SIGLEC10: variants seen among roughly 807,000 people sequenced by gnomAD.
SIGLEC10 encodes the protein sialic acid-binding Ig-like lectin 10.
A neutral mutation model predicts 68.3 loss-of-function variants in SIGLEC10; 45 were observed. The ratio of observed to expected loss-of-function variants is 0.66; its 90% CI spans 0.52 to 0.84. SIGLEC10 has a LOEUF of 0.84. SIGLEC10 is among the 40% of genes least tolerant of loss of function. The pLI is 0.00. For missense variants in SIGLEC10, 789 were observed against 883.1 expected (o/e 0.89, Z 1.35); for synonymous variants, 379 against 370.8 (o/e 1.02, Z -0.26).
At position 51,417,384 on chromosome 19, in the gene SIGLEC10, G is replaced by A. The variant is rs375106770; in HGVS notation, c.119C>T (p.Pro40Leu). ...CTGTCGGGGGTAGGAGAAAGAGCAG[G>A]GCACAGAGATGCACAGGCCCTCCGG... ...MVPEGLCISV[P>L]CSFSYPRQDW... The change falls in exon 2 of 11, where the codon CCC (proline) becomes CTC (leucine). Residue 40 changes from proline (P) to leucine (L), a missense_variant. Physicochemically the swap from Pro to Leu is moderately conservative, Grantham distance 98. Coordinates refer to ENST00000339313, the MANE Select transcript of SIGLEC10 (RefSeq NM_033130.5). 5 of 1,614,056 alleles carry A rather than the reference G, an allele frequency of 3.1e-6. No homozygotes were observed. The African/African-American group carries it at 5.3e-5, about 17-fold the overall frequency.
chr19:51,414,322 G>A lies in SIGLEC10; in HGVS notation c.1709+100C>T, dbSNP rs1054109798. Reference sequence around the variant, plus strand: ...CTGTTTACTCATGTAACCTCCAGAGGTATACTGCGTTGATCACGACCTTCA... The same window carrying A: ...CTGTTTACTCATGTAACCTCCAGAGATATACTGCGTTGATCACGACCTTCA... On this transcript the variant is annotated intron_variant, in intron 9 of 10. Coordinates refer to ENST00000339313, the MANE Select transcript of SIGLEC10 (RefSeq NM_033130.5). The surrounding 1 kb of genome is among the most constrained non-coding windows in gnomAD (Gnocchi z 4.1). 3.2e-6 allele frequency: 3 copies of A among 931,074 alleles called. No homozygotes were observed. Among genetic ancestry groups the A allele is most frequent in the Non-Finnish European group, 5.1e-6 (3 of 587,256 alleles). 57.7% of individuals were successfully genotyped at this position (931,074 alleles called of 1,614,324 possible).
Position 51,413,756 on chromosome 19 carries a change from T to C in SIGLEC10, c.1777A>G (p.Thr593Ala), listed in dbSNP as rs1377024694. ...TPRPRFSRHSTILDYINVVPT... is the reference protein window; with the variant it reads ...TPRPRFSRHSAILDYINVVPT... ...ACCACATTGATGTAATCCAGGATCG[T>C]GCTGTGCCGGGAGAACCTGGGCCTC... The change falls in exon 10 of 11, where the codon ACG becomes GCG. Residue 593 changes from threonine (T) to alanine (A), a missense_variant. Coordinates refer to ENST00000339313, the MANE Select transcript of SIGLEC10 (RefSeq NM_033130.5). 6.8e-6 allele frequency: 11 copies of C among 1,614,142 alleles called. No homozygotes were observed. The highest frequency in any genetic ancestry group is 1.3e-5 in the African/African-American group (1 of 75,032).
In SIGLEC10 at chr19:51,414,828, C is replaced by T; in HGVS notation, c.1611G>A (p.Leu537=). Residue 537 remains leucine, a synonymous_variant, in exon 8 of 11, where the codon CTG becomes CTA. Coordinates refer to ENST00000339313, the MANE Select transcript of SIGLEC10 (RefSeq NM_033130.5). This position sits in a 1 kb window ranked among gnomAD's most constrained non-coding sequence, Gnocchi z 4.1. The part of the protein sequence containing the change: ...HGAQSGSILQ[L]PDKKGLISTA... ...GCATCCAGGCGGCCCCCTAACCTGG[C>T]AGCTGCAGGATGGATCCACTCTGGG... 6.2e-7 allele frequency: 1 copy of T among 1,613,034 alleles called. No individual in the cohort carries two copies. Among genetic ancestry groups the T allele is most frequent in the Admixed American group, 1.7e-5 (1 of 59,568 alleles).
intron 10 of SIGLEC10, 125 bp from the exon 11 acceptor site, chr19:51,411,496 C>T: frequency 8.1e-7 from 1 of 1,236,170 alleles, no homozygotes; most frequent in Non-Finnish European, 1.1e-6. Flanking sequence ...GCTGAGCTTG[C>T]ATTCCATCTT....
intron 10 of SIGLEC10, among the ~76,000 whole-genome samples, chr19:51,413,316 C>CA (rs144393766): frequency 0.011 from 1,708 of 152,264 alleles, 26 homozygotes; most frequent in African/African-American, 0.039. Flanking sequence ...ACAGTGATGA[C>CA]AGCAGGATTT....
Position 51,415,413 on chromosome 19 carries a change from C to T in SIGLEC10, c.1098G>A (p.Thr366=), listed in dbSNP as rs780126295. Residue 366 remains threonine (T), a synonymous_variant, in exon 7 of 11, where the codon ACG becomes ACA. Transcript: ENST00000339313. ...RTVLENLGNG[T]SLPVLEGQSL... ...TTTGGCCCTCCAGTACTGGGAGAGA[C>T]GTGCCGTTCCCAAGGTTTTCCAGGA... is the stretch of plus-strand genomic sequence containing the variant. 108 of 1,605,058 alleles carry T rather than the reference C, an allele frequency of 6.7e-5. No individual in the cohort carries two copies. Among genetic ancestry groups the T allele is most frequent in the East Asian group, 1.8e-4 (8 of 44,776 alleles).
Position 51,415,169 on chromosome 19 carries a change from T to A in SIGLEC10, c.1330+12A>T. 6.3e-7 allele frequency: 1 copy of A among 1,592,316 alleles called. No homozygotes were observed. Among genetic ancestry groups the A allele is most frequent in the Non-Finnish European group, 8.6e-7 (1 of 1,168,976 alleles). ...CTTCCTGGGACCCAGGTGTCCCCTTTCCCCCACTCACAGTGCACGGAGAGG... is the reference window on the plus strand; with the variant it reads ...CTTCCTGGGACCCAGGTGTCCCCTTACCCCCACTCACAGTGCACGGAGAGG... On this transcript the variant is annotated intron_variant, in intron 7 of 10. Coordinates refer to ENST00000339313, the MANE Select transcript of SIGLEC10 (RefSeq NM_033130.5).
chr19:51,416,259 C>A lies in SIGLEC10; in HGVS notation c.754+51G>T, dbSNP rs373383595. Reference sequence around the variant, plus strand: ...AGCACATCCCCTCATCCCCTGAAGCCTTTTCATCTAAAGACAACTGGCCCA... The same window carrying A: ...AGCACATCCCCTCATCCCCTGAAGCATTTTCATCTAAAGACAACTGGCCCA... On this transcript the variant is annotated intron_variant, in intron 4 of 10. Coordinates refer to ENST00000339313, the MANE Select transcript of SIGLEC10 (RefSeq NM_033130.5). 15 of 1,613,690 alleles carry A rather than the reference C, an allele frequency of 9.3e-6. No individual in the cohort carries two copies. The South Asian group carries it at 9.9e-5, about 11-fold the overall frequency.
At position 51,415,401 on chromosome 19, in the gene SIGLEC10, T is replaced by G. The variant is rs1421389928; in HGVS notation, c.1110A>C (p.Val370=). ...CCAGGCACAGGCTTTGGCCCTCCAG[T>G]ACTGGGAGAGACGTGCCGTTCCCAA... The part of the protein sequence containing the change: ...ENLGNGTSLP[V]LEGQSLCLVC... Residue 370 remains valine (V), a synonymous_variant, in exon 7 of 11, where the codon GTA becomes GTC. Transcript: ENST00000339313. The G allele has an allele frequency of 4.4e-6, 7 of 1,607,950 alleles. No individual in the cohort carries two copies. Among genetic ancestry groups the G allele is most frequent in the South Asian group, 2.2e-5 (2 of 90,586 alleles).
At chr19:51,412,795 G>T (rs1988142172) in intron 10 of SIGLEC10, among the ~76,000 whole-genome samples, 1 of 149,796 alleles carries the variant, frequency 6.7e-6, no homozygotes, top group African/African-American at 2.5e-5. Flanking sequence ...TTGAGACAGG[G>T]TCTCACTCTG....
chr19:51,411,465 CTA>C (rs1412271292), intron 10 of SIGLEC10, 94 bp from the exon 11 acceptor site: 15 of 1,491,258 alleles, frequency 1.0e-5, no homozygotes, highest in African/African-American at 1.4e-5. Flanking sequence ...CAGAGTGAAA[CTA>C]AGTCCCTGCC....
At chr19:51,411,662 A>G (rs1988023523) in intron 10 of SIGLEC10, among the ~76,000 whole-genome samples, 1 of 152,206 alleles carries the variant, frequency 6.6e-6, no homozygotes, top group South Asian at 2.1e-4. Context: ...CCTGGCCAAC[A>G]TAGCGAAACC....
chr19:51,410,976 G>GAGAGAGAGAGAGAGAA lies in SIGLEC10; in HGVS notation c.*107_*122dup. The GAGAGAGAGAGAGAGAA allele has an allele frequency of 1.4e-6, 1 of 719,598 alleles. No individual in the cohort carries two copies. The highest frequency in any genetic ancestry group is 3.6e-5 in the East Asian group (1 of 27,514). 44.6% of individuals were successfully genotyped at this position (719,598 alleles called of 1,614,324 possible). ...GATGTTTTTTTAAAAGAGAGAGAAAGAGAGAGAGAGAGAGAAAGAGAGAGA... is the reference window on the plus strand; with the variant it reads ...GATGTTTTTTTAAAAGAGAGAGAAAGAGAGAGAGAGAGAGAAAGAGAGAGAGAGAGAAAGAGAGAGA... On this transcript the variant is annotated 3_prime_UTR_variant, in exon 11 of 11. Transcript: ENST00000339313.
rs748079088 is a variant in SIGLEC10 at position 51,415,328 on chromosome 19, T to A, written c.1183A>T (p.Arg395Trp). The A allele has an allele frequency of 2.5e-6, 4 of 1,613,682 alleles. No individual in the cohort carries two copies. Among genetic ancestry groups the A allele is most frequent in the Non-Finnish European group, 1.7e-6 (2 of 1,179,768 alleles). Reference sequence around the variant, plus strand: ...TGGGAGGGGCTCAGAACCTGTCCCCTCTGGGTCCAGCTCAGCCTGGCTGGG... The same window carrying A: ...TGGGAGGGGCTCAGAACCTGTCCCCACTGGGTCCAGCTCAGCCTGGCTGGG... The part of the protein sequence containing the change: ...SPPARLSWTQ[R>W]GQVLSPSQPS... Residue 395 changes from arginine (R) to tryptophan (W), a missense_variant, in exon 7 of 11, where the codon AGG (arginine) becomes TGG (tryptophan). Physicochemically the swap from Arg to Trp is moderately radical, Grantham distance 101. Transcript: ENST00000339313.
Position 51,416,077 on chromosome 19 carries a change from G to A in SIGLEC10, c.845C>T (p.Pro282Leu). The A allele has an allele frequency of 6.2e-7, 1 of 1,611,668 alleles. No individual in the cohort carries two copies. The highest frequency in any genetic ancestry group is 1.1e-5 in the South Asian group (1 of 90,902). ...CAGGACCCAGCTCAGTGTGGCAGGG[G>A]GCTGGCTGTCAGCAGCACAGAGGAG... Reference protein sequence around the residue: ...LRLLCAADSQPPATLSWVLQN... With the variant: ...LRLLCAADSQLPATLSWVLQN... The change falls in exon 5 of 11, where the codon CCC (proline) becomes CTC (leucine). Residue 282 changes from proline (P) to leucine (L), a missense_variant. Pro to Leu is a moderately conservative substitution (Grantham distance 98). Coordinates refer to ENST00000339313, the MANE Select transcript of SIGLEC10 (RefSeq NM_033130.5).
At position 51,417,496 on chromosome 19, in the gene SIGLEC10, C is replaced by T. The variant is rs756961112; in HGVS notation, c.38-31G>A. The T allele has an allele frequency of 1.9e-6, 3 of 1,613,964 alleles. No homozygotes were observed. In the East Asian group the frequency reaches 6.7e-5, roughly 36 times the overall value. ...GGGAGACAGAGGCTCAACCTGCAAC[C>T]CCAGCCCTAGCTCCGCCCCAGGTCC... On this transcript the variant is annotated intron_variant, in intron 1 of 10. Transcript: ENST00000339313.
In SIGLEC10 at chr19:51,411,242, A is replaced by T; in HGVS notation, c.1951T>A (p.Ser651Thr). Reference protein sequence around the residue: ...YQLPSFPEPKSSTQAPESQES... With the variant: ...YQLPSFPEPKTSTQAPESQES... Reference sequence around the variant, plus strand: ...TGGGATTCTGGGGCTTGAGTGGATGATTTGGGTTCTGGGAAACTGGGCAAC... The same window carrying T: ...TGGGATTCTGGGGCTTGAGTGGATGTTTTGGGTTCTGGGAAACTGGGCAAC... Residue 651 changes from serine (S) to threonine (T), a missense_variant, in exon 11 of 11, where the codon TCA (serine) becomes ACA (threonine). Physicochemically the swap from Ser to Thr is moderately conservative, Grantham distance 58 (BLOSUM62 1). Transcript: ENST00000339313. 1.2e-6 allele frequency: 2 copies of T among 1,614,050 alleles called. No individual in the cohort carries two copies. Among genetic ancestry groups the T allele is most frequent in the Non-Finnish European group, 1.7e-6 (2 of 1,179,994 alleles).
At chr19:51,415,646 C>A (rs761013820) in intron 5 of SIGLEC10, 31 bp from the exon 6 acceptor site, 4 of 1,613,862 alleles carry the variant, frequency 2.5e-6, no homozygotes, top group Admixed American at 1.7e-5. Context: ...CGGCTCTAGA[C>A]GGACCAGGGG....
chr19:51,416,445 C>A lies in SIGLEC10; in HGVS notation c.707-88G>T, dbSNP rs73933387. 1.5e-3 allele frequency: 2,451 copies of A among 1,610,866 alleles called. 27 individuals carry two copies. The African/African-American group carries it at 0.021, about 14-fold the overall frequency. On this transcript the variant is annotated intron_variant, in intron 3 of 10. Coordinates refer to ENST00000339313, the MANE Select transcript of SIGLEC10 (RefSeq NM_033130.5). The stretch of plus-strand genomic sequence containing the variant: ...CTCCCTCAGGGAAAAGAAAGTGGGA[C>A]TATCCCGGGAAGACAAGTGACAACC...
Sources: gnomAD v4.1 joint callset for allele counts (sites outside exome capture counted in the v4.1 genomes callset) on GRCh38, gnomAD v4.1.1 for gene constraint, Gnocchi (gnomAD v3.1) non-coding constraint, MANE v1.5 for transcripts, NCBI Gene and HGNC (gene_info 2026-07-23, HGNC 2026-07-21) for gene names.